Variants in RASL10A observed in about 807,000 individuals in gnomAD.
RASL10A encodes ras-like protein family member 10A.
A neutral mutation model predicts 17.3 loss-of-function variants in RASL10A; 13 were observed. That is an observed-to-expected ratio of 0.75 (90% CI 0.49 to 1.20). The LOEUF (loss-of-function observed/expected upper bound fraction) is 1.20. Ranked by LOEUF, RASL10A falls within the 50% of genes most tolerant of loss-of-function variation. The pLI is 0.00. For missense variants in RASL10A, 307 were observed against 310.3 expected (o/e 0.99, Z 0.08); for synonymous variants, 159 against 142.2 (o/e 1.12, Z -0.84).
chr22:29,313,317 C>T lies in RASL10A; in HGVS notation c.596G>A (p.Arg199His). 1 of 1,522,760 alleles carries T rather than the reference C, an allele frequency of 6.6e-7. No individual in the cohort carries two copies. The highest frequency in any genetic ancestry group is 8.8e-7 in the Non-Finnish European group (1 of 1,133,890). The allele number at this position is 1,522,760 out of a possible 1,614,324, so 94.3% of individuals were successfully genotyped here. A position where few individuals can be genotyped will look rare whatever the true frequency, so the allele number is the denominator to read the frequency against. The change falls in exon 3 of 3, where the codon CGC becomes CAC. Residue 199 changes from arginine (R) to histidine (H), a missense_variant. Coordinates refer to ENST00000216101, the MANE Select transcript of RASL10A (RefSeq NM_006477.5). ...LRLQGALHPA[R>H]CSLM ...CCGATCGGGTCACATGAGGCTGCAG[C>T]GCGCGGGATGCAGCGCCCCCTGCAG... is the stretch of plus-strand genomic sequence containing the variant.
At chr22:29,317,275 C>T (rs2061458746), upstream of RASL10A, 1 of 152,304 alleles carries the variant, frequency 6.6e-6, no homozygotes, top group Non-Finnish European at 1.5e-5. Flanking sequence ...CTTGCTCTGT[C>T]ACCCAAGCTG....
At chr22:29,316,282 C>T (rs1388014070), upstream of RASL10A, among the ~76,000 whole-genome samples, 1 of 152,162 alleles carries the variant, frequency 6.6e-6, no homozygotes, top group South Asian at 2.1e-4. Flanking sequence ...GTCCCTCCTA[C>T]CTTCCTCCTG....
upstream of RASL10A, among the ~76,000 whole-genome samples, chr22:29,316,395 C>T (rs1286862626): frequency 6.6e-6 from 1 of 152,248 alleles, no homozygotes. Flanking sequence ...AGCCCCAGAT[C>T]CCTGTCCCAG....
intron 1 of RASL10A, chr22:29,314,352 G>GC (rs1372564249): frequency 4.8e-6 from 1 of 208,512 alleles, no homozygotes; most frequent in East Asian, 1.3e-4. Flanking sequence ...GGTCCACCAC[G>GC]CCCCCAGATT....
chr22:29,313,275 C>A lies in RASL10A; in HGVS notation c.*26G>T. ...TGATTGTCCCAGTCACAAGGTGGGG[C>A]CCATGGATGGCACTGTCCGATCGGG... On this transcript the variant is annotated 3_prime_UTR_variant, in exon 3 of 3. Coordinates refer to ENST00000216101, the MANE Select transcript of RASL10A (RefSeq NM_006477.5). 1.4e-6 allele frequency: 2 copies of A among 1,462,060 alleles called. No homozygotes were observed. The highest frequency in any genetic ancestry group is 1.5e-5 in the African/African-American group (1 of 68,890). The allele number at this position is 1,462,060 out of a possible 1,614,324, so 90.6% of individuals were successfully genotyped here.
At chr22:29,315,820 T>C (rs1413659524), upstream of RASL10A, 3 of 137,526 alleles carry the variant, frequency 2.2e-5, no homozygotes, top group African/African-American at 8.0e-5. This position sits in a 1 kb window ranked among gnomAD's most constrained non-coding sequence, Gnocchi z 5.5. Flanking sequence ...CGCAGGAAGG[T>C]GACTGGGGGA....
chr22:29,315,197 T>C lies in RASL10A; in HGVS notation c.50A>G (p.Lys17Arg). Residue 17 changes from lysine to arginine, a missense_variant, in exon 1 of 3, where the codon AAG becomes AGG. By Grantham distance (26) the Lys-to-Arg change is conservative. Transcript: ENST00000216101. The surrounding 1 kb of genome is among the most constrained non-coding windows in gnomAD (Gnocchi z 5.5). ...CAGGAACTGGCGGATGATGGCCGTC[T>C]TGCCCACGCCCGGGGCGCCTAGAAC... The part of the protein sequence containing the change: ...VAVLGAPGVG[K>R]TAIIRQFLFG... The C allele has an allele frequency of 6.5e-7, 1 of 1,536,118 alleles. No individual in the cohort carries two copies. Among genetic ancestry groups the C allele is most frequent in the Non-Finnish European group, 8.7e-7 (1 of 1,149,030 alleles).
In RASL10A at chr22:29,315,062, A is replaced by G; in HGVS notation, c.185T>C (p.Val62Ala). The G allele has an allele frequency of 6.6e-7, 1 of 1,518,368 alleles. No individual in the cohort carries two copies. Among genetic ancestry groups the G allele is most frequent in the South Asian group, 1.2e-5 (1 of 82,230 alleles). The allele number at this position is 1,518,368 out of a possible 1,614,324, so 94.1% of individuals were successfully genotyped here. ...VYDLSIRDGD[V>A]AGPGSSPGGP... ...CCCGGGGCTCGAGCCGGGGCCAGCGACGTCGCCGTCGCGGATGCTCAAGTC... is the reference window on the plus strand; with the variant it reads ...CCCGGGGCTCGAGCCGGGGCCAGCGGCGTCGCCGTCGCGGATGCTCAAGTC... The change falls in exon 1 of 3, where the codon GTC (valine) becomes GCC (alanine). Residue 62 changes from valine (V) to alanine (A), a missense_variant. Physicochemically the swap from Val to Ala is moderately conservative, Grantham distance 64. Coordinates refer to ENST00000216101, the MANE Select transcript of RASL10A (RefSeq NM_006477.5). The surrounding 1 kb of genome is among the most constrained non-coding windows in gnomAD (Gnocchi z 5.5).
At chr22:29,314,922 G>C (rs2061443810) in intron 1 of RASL10A, 106 bp downstream of exon 1, 2 of 926,274 alleles carry the variant, frequency 2.2e-6, no homozygotes, top group Middle Eastern at 2.7e-4. Context: ...CTCCATCCCG[G>C]AGCACAGCCA....
upstream of RASL10A, among the ~76,000 whole-genome samples, chr22:29,316,245 G>T (rs547519791): frequency 6.6e-6 from 1 of 152,202 alleles, no homozygotes; most frequent in Admixed American, 6.5e-5. Context: ...GAAGGGCAGT[G>T]GGGGGGCCCT....
intron 1 of RASL10A, 161 bp from the exon 2 acceptor site, chr22:29,314,148 AG>A: frequency 1.0e-6 from 1 of 982,672 alleles, no homozygotes. Context: ...CATGACCACC[AG>A]GGTAAAATTT....
intron 1 of RASL10A, 109 bp downstream of exon 1, chr22:29,314,919 C>A (rs987664960): frequency 5.5e-6 from 5 of 906,440 alleles, no homozygotes; most frequent in African/African-American, 3.5e-5. Context: ...TCCCTCCATC[C>A]CGGAGCACAG....
chr22:29,315,379 G>A lies in RASL10A; in HGVS notation c.-133C>T. The A allele has an allele frequency of 8.2e-6, 4 of 488,772 alleles. No individual in the cohort carries two copies. Among genetic ancestry groups the A allele is most frequent in the Non-Finnish European group, 1.2e-5 (4 of 330,016 alleles). The allele number at this position is 488,772 out of a possible 1,614,324, so 30.3% of individuals were successfully genotyped here. ...CCCGTCGCGCTTCTCGTCGCCCCTC[G>A]GAGCACCGAGACCGGAGAGGGCAGG... On this transcript the variant is annotated 5_prime_UTR_variant, in exon 1 of 3. Transcript: ENST00000216101. The surrounding 1 kb of genome is among the most constrained non-coding windows in gnomAD (Gnocchi z 5.5).
At chr22:29,319,587 CGCCTGTAATTCCA>C (rs1219226073), upstream of RASL10A, 1 of 152,364 alleles carries the variant, frequency 6.6e-6, no homozygotes, top group Non-Finnish European at 1.5e-5. Flanking sequence ...CAGTGGCTGA[CGCCTGTAATTCCA>C]GCACCTTGGG....
chr22:29,315,140 G>A lies in RASL10A; in HGVS notation c.107C>T (p.Thr36Met), dbSNP rs748408760. ...GGGTCGGTAGAGGCGCGGCCCGTCCGTGGGCCGGTGGCGCTCGGGGTAGTC... is the reference window on the plus strand; with the variant it reads ...GGGTCGGTAGAGGCGCGGCCCGTCCATGGGCCGGTGGCGCTCGGGGTAGTC... ...FGDYPERHRP[T>M]DGPRLYRPAV... Residue 36 changes from threonine (T) to methionine (M), a missense_variant, in exon 1 of 3, where the codon ACG (threonine) becomes ATG (methionine). Physicochemically the swap from Thr to Met is moderately conservative, Grantham distance 81. Transcript: ENST00000216101. The surrounding 1 kb of genome is among the most constrained non-coding windows in gnomAD (Gnocchi z 5.5). 321 of 1,531,870 alleles carry A rather than the reference G, an allele frequency of 2.1e-4. No homozygotes were observed. Among genetic ancestry groups the A allele is most frequent in the Admixed American group, 2.8e-4 (14 of 50,684 alleles). 94.9% of individuals were successfully genotyped at this position (1,531,870 alleles called of 1,614,324 possible).
chr22:29,315,264 G>C lies in RASL10A; in HGVS notation c.-18C>G, dbSNP rs763379220. 7.0e-7 allele frequency: 1 copy of C among 1,426,032 alleles called. No homozygotes were observed. The highest frequency in any genetic ancestry group is 9.1e-7 in the Non-Finnish European group (1 of 1,097,490). 88.3% of individuals were successfully genotyped at this position (1,426,032 alleles called of 1,614,324 possible). ...CCCCCCATGGCCGGCCGGCGCTGTCGCTCCCCGCGCTGGAAAGCCTCATGG... is the reference window on the plus strand; with the variant it reads ...CCCCCCATGGCCGGCCGGCGCTGTCCCTCCCCGCGCTGGAAAGCCTCATGG... On this transcript the variant is annotated 5_prime_UTR_variant, in exon 1 of 3. Transcript: ENST00000216101. The surrounding 1 kb of genome is among the most constrained non-coding windows in gnomAD (Gnocchi z 5.5).
At chr22:29,314,489 C>G (rs1250828537) in intron 1 of RASL10A, among the ~76,000 whole-genome samples, 1 of 152,202 alleles carries the variant, frequency 6.6e-6, no homozygotes, top group Admixed American at 6.5e-5. Flanking sequence ...GCCACTCCCT[C>G]CAGGAAGCCC....
chr22:29,318,798 G>A (rs1466766245), upstream of RASL10A, among the ~76,000 whole-genome samples: 1 of 152,210 alleles, frequency 6.6e-6, no homozygotes, highest in African/African-American at 2.4e-5. Context: ...TGCCAACTAT[G>A]CATGCATCTT....
upstream of RASL10A, chr22:29,319,592 G>GT (rs2061466818): frequency 6.6e-6 from 1 of 152,384 alleles, no homozygotes; most frequent in African/African-American, 2.4e-5. Context: ...GCTGACGCCT[G>GT]TAATTCCAGC....
Sources: allele counts gnomAD v4.1 joint callset (sites outside exome capture counted in the v4.1 genomes callset), GRCh38; gene constraint gnomAD v4.1.1; non-coding constraint Gnocchi (gnomAD v3.1); transcripts MANE v1.5; gene names NCBI Gene and HGNC (gene_info 2026-07-23, HGNC 2026-07-21).